The following DTWD2 variants were observed in gnomAD, a reference collection of about 807,000 sequenced individuals.
DTWD2 encodes tRNA-uridine aminocarboxypropyltransferase 2.
In DTWD2, 39 loss-of-function variants were observed where a neutral mutation model predicts 31.8. That is an observed-to-expected ratio of 1.22 (90% CI 0.95 to 1.60). DTWD2 has a LOEUF of 1.60. DTWD2 is among the 40% of genes most tolerant of loss of function. The pLI, the probability that DTWD2 is intolerant of heterozygous loss-of-function variation, is 0.00. For missense variants in DTWD2, 515 were observed against 381.5 expected (o/e 1.35, Z -2.92); for synonymous variants, 180 against 142.8 (o/e 1.26, Z -1.86).
At chr5:118,898,921 T>G (rs1201921805) in intron 4 of DTWD2, among the ~76,000 whole-genome samples, 4 of 152,220 alleles carry the variant, frequency 2.6e-5, no homozygotes, top group Non-Finnish European at 5.9e-5. Flanking sequence ...TAGATATTAT[T>G]TGCCAATTCT....
intron 4 of DTWD2, among the ~76,000 whole-genome samples, chr5:118,927,306 G>A (rs1221404999): frequency 6.6e-6 from 1 of 152,026 alleles, no homozygotes; most frequent in Non-Finnish European, 1.5e-5. Flanking sequence ...AGTACTCTTA[G>A]TAAAAATCTT....
At chr5:118,871,075 T>A (rs1752491008) in intron 4 of DTWD2, among the ~76,000 whole-genome samples, 1 of 152,090 alleles carries the variant, frequency 6.6e-6, no homozygotes, top group South Asian at 2.1e-4. Flanking sequence ...GTTCACAGCA[T>A]CTTCACCAGG....
intron 5 of DTWD2, among the ~76,000 whole-genome samples, chr5:118,845,951 T>C (rs1056767344): frequency 6.6e-6 from 1 of 152,104 alleles, no homozygotes; most frequent in Non-Finnish European, 1.5e-5. Context: ...TCGGGTTATA[T>C]AAAACAATAG....
chr5:118,897,919 A>G (rs1190119764), intron 4 of DTWD2, among the ~76,000 whole-genome samples: 6 of 152,144 alleles, frequency 3.9e-5, no homozygotes, highest in African/African-American at 1.4e-4. Flanking sequence ...CCCAGGGTGG[A>G]GTGCAGTGTC....
In DTWD2 at chr5:118,839,496, A is replaced by T. The variant is rs1751657470; in HGVS notation, c.*1421T>A. 6.6e-6 allele frequency: 1 copy of T among 151,754 alleles called. No homozygotes were observed. Among genetic ancestry groups the T allele is most frequent in the Non-Finnish European group, 1.5e-5 (1 of 67,988 alleles). 9.4% of individuals were successfully genotyped at this position (151,754 alleles called of 1,614,324 possible). On this transcript the variant is annotated 3_prime_UTR_variant, in exon 6 of 6. Transcript: ENST00000510708. ...TAGCCTCCCAAGTAGCTAGGACTAC[A>T]AGTGCACACCACCACATCTGGCTAA...
intron 1 of DTWD2, among the ~76,000 whole-genome samples, chr5:118,961,544 A>C (rs796328594): frequency 3.3e-5 from 5 of 152,328 alleles, no homozygotes; most frequent in African/African-American, 1.2e-4. Context: ...TTGGACAAAT[A>C]AAGAATGTCC....
intron 4 of DTWD2, among the ~76,000 whole-genome samples, chr5:118,917,532 A>G (rs145216509): frequency 3.3e-5 from 5 of 152,292 alleles, no homozygotes; most frequent in African/African-American, 1.2e-4. Flanking sequence ...ATTTATAAAG[A>G]AAATAGGTTT....
intron 4 of DTWD2, among the ~76,000 whole-genome samples, chr5:118,853,039 C>T (rs1380056356): frequency 1.3e-5 from 2 of 152,120 alleles, no homozygotes; most frequent in African/African-American, 2.4e-5. Context: ...AAGACAGGAA[C>T]ACAGACACTG....
intron 1 of DTWD2, among the ~76,000 whole-genome samples, chr5:118,961,148 C>A (rs553433254): frequency 3.3e-5 from 5 of 152,034 alleles, no homozygotes; most frequent in African/African-American, 9.6e-5. Context: ...AGAGAACAAA[C>A]GTCTCATGTC....
chr5:118,933,522 C>A (rs1753971247), intron 3 of DTWD2, among the ~76,000 whole-genome samples: 1 of 152,074 alleles, frequency 6.6e-6, no homozygotes, highest in African/African-American at 2.4e-5. Flanking sequence ...AATGTAATCA[C>A]CCACATCAAT....
chr5:118,870,180 G>T (rs898009689), intron 4 of DTWD2, among the ~76,000 whole-genome samples: 6 of 152,052 alleles, frequency 3.9e-5, no homozygotes, highest in African/African-American at 9.7e-5. Flanking sequence ...CCAGCCTTAG[G>T]TATTCCATAT....
At chr5:118,890,466 C>G (rs1402895982) in intron 4 of DTWD2, among the ~76,000 whole-genome samples, 2 of 151,648 alleles carry the variant, frequency 1.3e-5, no homozygotes, top group Non-Finnish European at 2.9e-5. Flanking sequence ...CAATCAAACT[C>G]CTGATTTCAT....
chr5:118,964,543 G>C (rs536335446), intron 1 of DTWD2, among the ~76,000 whole-genome samples: 39 of 151,896 alleles, frequency 2.6e-4, no homozygotes, highest in Admixed American at 1.3e-3. Flanking sequence ...CTCCCTGCCT[G>C]ATGCTCCTGC....
At chr5:118,959,823 T>G (rs1470953268) in intron 1 of DTWD2, among the ~76,000 whole-genome samples, 1 of 152,106 alleles carries the variant, frequency 6.6e-6, no homozygotes, top group East Asian at 1.9e-4. Context: ...TCAACAAAGC[T>G]GACAAAAACA....
In DTWD2 at chr5:118,959,811, C is replaced by T. The variant is rs183957871; in HGVS notation, c.219-15162G>A. Among the ~76,000 whole-genome samples the T allele has an allele frequency of 6.6e-5, 10 of 152,258 alleles. No individual in the cohort carries two copies. In the East Asian group the frequency reaches 1.9e-3, roughly 29 times the overall value. On this transcript the variant is annotated intron_variant, in intron 1 of 5. Transcript: ENST00000510708. ...AGCCACATACCTACAACCCTCTGAT[C>T]TTCAACAAAGCTGACAAAAACAAGC...
At chr5:118,868,206 C>A (rs557658532) in intron 4 of DTWD2, among the ~76,000 whole-genome samples, 38 of 151,506 alleles carry the variant, frequency 2.5e-4, no homozygotes, top group Non-Finnish European at 4.9e-4. Flanking sequence ...TACGAGATAC[C>A]CACATGCAAA....
At chr5:118,855,190 A>T (rs1270579600) in intron 4 of DTWD2, among the ~76,000 whole-genome samples, 3 of 147,912 alleles carry the variant, frequency 2.0e-5, no homozygotes, top group African/African-American at 7.5e-5. Context: ...AATCATCATC[A>T]TTTTCGGACC....
chr5:118,868,291 G>A (rs1752424248), intron 4 of DTWD2, among the ~76,000 whole-genome samples: 1 of 151,752 alleles, frequency 6.6e-6, no homozygotes, highest in South Asian at 2.1e-4. Context: ...TAAACCATAA[G>A]TGCTAAAACT....
chr5:118,944,854 C>T (rs963464545), intron 1 of DTWD2, among the ~76,000 whole-genome samples: 13 of 152,090 alleles, frequency 8.5e-5, no homozygotes, highest in African/African-American at 3.1e-4. Context: ...TTCTTTACCA[C>T]TTATATAGAT....
Sources: gnomAD v4.1 joint callset for allele counts (sites outside exome capture counted in the v4.1 genomes callset) on GRCh38, gnomAD v4.1.1 for gene constraint, MANE v1.5 for transcripts, NCBI Gene and HGNC (gene_info 2026-07-23, HGNC 2026-07-21) for gene names.